Variants in GNAS observed in about 807,000 individuals in gnomAD.
GNAS encodes GNAS complex locus, also known as protein ALEX.
A neutral mutation model predicts 54.5 loss-of-function variants in GNAS; 8 were observed. The observed-to-expected ratio is 0.15, with a 90% CI of 0.09 to 0.26. The LOEUF is 0.26. Among genes scored for constraint, GNAS ranks in the 10% least tolerant of loss-of-function variants. The probability of loss-of-function intolerance (pLI) is 1.00; values close to 1 mark genes in which losing one functional copy is unlikely to be tolerated. For missense variants in GNAS, 170 were observed against 529.8 expected (o/e 0.32, Z 6.67); for synonymous variants, 204 against 191.4 (o/e 1.07, Z -0.54).
intron 1 of GNAS, among the ~76,000 whole-genome samples, chr20:58,879,503 G>A (rs2088077553): frequency 6.6e-6 from 1 of 152,164 alleles, no homozygotes; most frequent in Non-Finnish European, 1.5e-5. Flanking sequence ...AAGTTCAATC[G>A]TGAAAAAGCA....
At chr20:58,875,366 G>A (rs1305808693) in intron 1 of GNAS, among the ~76,000 whole-genome samples, 1 of 152,132 alleles carries the variant, frequency 6.6e-6, no homozygotes, top group Non-Finnish European at 1.5e-5. Flanking sequence ...TACTCGTAAG[G>A]GACATGTGCA....
chr20:58,910,860 T>G lies in GNAS; in HGVS notation c.*31T>G, dbSNP rs759073731. On this transcript the variant is annotated 3_prime_UTR_variant, in exon 13 of 13. Coordinates refer to ENST00000371085, the MANE Select transcript of GNAS (RefSeq NM_000516.7). The surrounding 1 kb of genome is among the most constrained non-coding windows in gnomAD (Gnocchi z 5.8). ...GAACCCCCAAATTTAATTAAAGCCT[T>G]AAGCACAATTAATTAAAAGTGAAAC... The G allele has an allele frequency of 1.3e-6, 2 of 1,597,058 alleles. No homozygotes were observed. Among genetic ancestry groups the G allele is most frequent in the Non-Finnish European group, 1.7e-6 (2 of 1,164,656 alleles).
upstream of GNAS, chr20:58,840,799 G>C: frequency 6.2e-7 from 1 of 1,612,302 alleles, no homozygotes; most frequent in Non-Finnish European, 8.5e-7. This position sits in a 1 kb window ranked among gnomAD's most constrained non-coding sequence, Gnocchi z 6.0. Context: ...ACGCGTCCCC[G>C]GAGTCCCCTT....
At chr20:58,874,656 C>T (rs2087681626) in intron 1 of GNAS, among the ~76,000 whole-genome samples, 1 of 151,872 alleles carries the variant, frequency 6.6e-6, no homozygotes, top group Admixed American at 6.6e-5. Flanking sequence ...AGCTCCTGGC[C>T]TGCCCTCCAT....
At chr20:58,908,863 C>T (rs187312448) in intron 6 of GNAS, 50 of 491,492 alleles carry the variant, frequency 1.0e-4, no homozygotes, top group South Asian at 8.3e-4. Flanking sequence ...GCCCCACCAC[C>T]GTGCTGTGCT....
At chr20:58,846,116 A>G (rs4812039) in intron 1 of GNAS, among the ~76,000 whole-genome samples, 63,992 of 152,072 alleles carry the variant, frequency 0.42, 15,735 homozygotes, top group East Asian at 0.81. Flanking sequence ...TCACAGAAAA[A>G]AAGGAAGATG....
chr20:58,900,139 T>C, intron 3 of GNAS: 1 of 585,226 alleles, frequency 1.7e-6, no homozygotes, highest in Non-Finnish European at 3.0e-6. Flanking sequence ...AAAAATGAAC[T>C]GAAATCCTTA....
chr20:58,877,835 C>G (rs2087931775), intron 1 of GNAS, among the ~76,000 whole-genome samples: 1 of 152,146 alleles, frequency 6.6e-6, no homozygotes, highest in Non-Finnish European at 1.5e-5. Context: ...CCACAATGCC[C>G]AAAAGTGGCC....
At chr20:58,869,835 C>T (rs1405223803) in intron 1 of GNAS, among the ~76,000 whole-genome samples, 1 of 152,236 alleles carries the variant, frequency 6.6e-6, no homozygotes, top group African/African-American at 2.4e-5. Flanking sequence ...TACTGTCCAT[C>T]TCAGGCTCAG....
chr20:58,841,400 G>C lies in GNAS; in HGVS notation c.43+514G>C, dbSNP rs564528467. ...GCGGAAAGTAATCTGAATGGGAATGGGCGAGAACTCTAGAGACTGACCACC... is the reference window on the plus strand; with the variant it reads ...GCGGAAAGTAATCTGAATGGGAATGCGCGAGAACTCTAGAGACTGACCACC... On this transcript the variant is annotated intron_variant, in intron 1 of 12. Transcript: ENST00000306090. This position sits in a 1 kb window ranked among gnomAD's most constrained non-coding sequence, Gnocchi z 5.0. 277 of 1,007,854 alleles carry C rather than the reference G, an allele frequency of 2.7e-4. 2 individuals are homozygous for C. In the African/African-American group the frequency reaches 4.6e-3, roughly 17 times the overall value. The allele number at this position is 1,007,854 out of a possible 1,614,324, so 62.4% of individuals were successfully genotyped here.
At position 58,853,106 on chromosome 20, in the gene GNAS, T is replaced by A. The variant is rs563668438; in HGVS notation, c.43+12220T>A. The A allele has an allele frequency of 2.0e-3, 2,852 of 1,422,736 alleles. 3 individuals carry two copies. The highest frequency in any genetic ancestry group is 2.2e-3 in the Non-Finnish European group (2,409 of 1,094,302). The allele number at this position is 1,422,736 out of a possible 1,614,324, so 88.1% of individuals were successfully genotyped here. A position where few individuals can be genotyped will look rare whatever the true frequency, so the allele number is the denominator to read the frequency against. On this transcript the variant is annotated intron_variant, in intron 1 of 12. Transcript: ENST00000306090. This position sits in a 1 kb window ranked among gnomAD's most constrained non-coding sequence, Gnocchi z 4.4. Reference sequence around the variant, plus strand: ...CTCAGTCTAGGGTTCCTTCCAGGCCTTGAACCCCCCAACCTCACAAGGGTT... The same window carrying A: ...CTCAGTCTAGGGTTCCTTCCAGGCCATGAACCCCCCAACCTCACAAGGGTT...
At chr20:58,896,859 G>A (rs555189531) in intron 2 of GNAS, among the ~76,000 whole-genome samples, 17 of 152,078 alleles carry the variant, frequency 1.1e-4, no homozygotes, top group East Asian at 5.8e-4. Flanking sequence ...AGGTGGTAGC[G>A]TTTAATTATA....
chr20:58,906,962 C>T (rs1156786983), intron 6 of GNAS, among the ~76,000 whole-genome samples: 2 of 152,142 alleles, frequency 1.3e-5, no homozygotes, highest in Non-Finnish European at 2.9e-5. Context: ...ATGTTTTAGC[C>T]ATCCTTATTA....
intron 1 of GNAS, chr20:58,892,074 C>T (rs2089451587): frequency 2.6e-5 from 25 of 958,724 alleles, no homozygotes; most frequent in Non-Finnish European, 3.1e-5. Context: ...GGGCGGGGGG[C>T]CGTGGCGACG....
chr20:58,881,238 C>A (rs752450837), intron 1 of GNAS, among the ~76,000 whole-genome samples: 1 of 152,188 alleles, frequency 6.6e-6, no homozygotes, highest in Non-Finnish European at 1.5e-5. Flanking sequence ...AGGGTCATTT[C>A]GGCTTTTCTA....
intron 1 of GNAS, among the ~76,000 whole-genome samples, chr20:58,866,817 C>A (rs1198128855): frequency 1.3e-5 from 2 of 150,890 alleles, no homozygotes; most frequent in Non-Finnish European, 2.9e-5. Context: ...AATTTATGAC[C>A]TCTGACTTCA....
intron 3 of GNAS, 53 bp from the exon 4 acceptor site, chr20:58,903,478 T>C (rs570996625): frequency 1.4e-6 from 2 of 1,415,090 alleles, no homozygotes; most frequent in South Asian, 1.1e-5. Context: ...AAAGCAGTAC[T>C]CCTAACTGAC....
chr20:58,879,343 T>C (rs2088066156), intron 1 of GNAS, among the ~76,000 whole-genome samples: 1 of 152,218 alleles, frequency 6.6e-6, no homozygotes, highest in African/African-American at 2.4e-5. Flanking sequence ...TATCGAGTCA[T>C]TTAGCACAAT....
Position 58,855,600 on chromosome 20 carries a change from C to G in GNAS, c.43+14714C>G, listed in dbSNP as rs1476670972. Reference sequence around the variant, plus strand: ...ACACTGAGGGTCGTTTCCGGCTGGACAGGCCAGCGCCAGCAACCGTAAGCT... The same window carrying G: ...ACACTGAGGGTCGTTTCCGGCTGGAGAGGCCAGCGCCAGCAACCGTAAGCT... On this transcript the variant is annotated intron_variant, in intron 1 of 12. Transcript: ENST00000306090. The G allele has an allele frequency of 1.4e-5, 10 of 717,432 alleles. No homozygotes were observed. In the South Asian group the frequency reaches 1.5e-4, roughly 11 times the overall value. The allele number at this position is 717,432 out of a possible 1,614,324, so 44.4% of individuals were successfully genotyped here. A position where few individuals can be genotyped will look rare whatever the true frequency, so the allele number is the denominator to read the frequency against.
Sources: allele counts gnomAD v4.1 joint callset (sites outside exome capture counted in the v4.1 genomes callset), GRCh38; gene constraint gnomAD v4.1.1; non-coding constraint Gnocchi (gnomAD v3.1); transcripts MANE v1.5; gene names NCBI Gene and HGNC (gene_info 2026-07-23, HGNC 2026-07-21).